EIF4G1: variants seen among roughly 807,000 people sequenced by gnomAD.
EIF4G1 encodes eukaryotic translation initiation factor 4 gamma 1, also known as EIF4-gamma.
EIF4G1 carries 4 observed loss-of-function variants against 187.8 expected under a neutral mutation model. That is an observed-to-expected ratio of 0.02 (90% CI 0.01 to 0.05). The LOEUF (loss-of-function observed/expected upper bound fraction) is 0.05. Among genes scored for constraint, EIF4G1 ranks in the 10% least tolerant of loss-of-function variants. The pLI, the probability that EIF4G1 is intolerant of heterozygous loss-of-function variation, is 1.00. For missense variants in EIF4G1, 1,647 were observed against 2,081.1 expected (o/e 0.79, Z 4.06); for synonymous variants, 844 against 781.4 (o/e 1.08, Z -1.34).
chr3:184,327,026 C>G (rs370513009), intron 23 of EIF4G1, 43 bp downstream of exon 23: 1 of 1,611,624 alleles, frequency 6.2e-7, no homozygotes, highest in Non-Finnish European at 8.5e-7. Flanking sequence ...CTGGGGGTAC[C>G]GTGATTGGGT....
Position 184,321,808 on chromosome 3 carries a change from C to T in EIF4G1, c.1224C>T (p.Pro408=). 6.2e-7 allele frequency: 1 copy of T among 1,613,988 alleles called. No individual in the cohort carries two copies. ...AQPEELLNGA[P]SPPAVDLSPV... ...CTGAGGAACTGCTCAACGGAGCCCC[C>T]TCGCCACCAGCTGTGGACTTAAGCC... Residue 408 remains proline, a synonymous_variant, in exon 10 of 33, where the codon CCC becomes CCT. Coordinates refer to ENST00000346169, the MANE Select transcript of EIF4G1 (RefSeq NM_198241.3).
intron 6 of EIF4G1, among the ~76,000 whole-genome samples, chr3:184,319,426 GGTGTGTGTGTGTGTGTGT>G (rs1168140244): frequency 8.9e-6 from 1 of 112,876 alleles, no homozygotes; most frequent in Non-Finnish European, 1.8e-5. Context: ...GCCTACGAGG[GGTGTGTGTGTGTGTGTGT>G]GTGTGTGTGT....
chr3:184,318,549 C>T (rs113776072), intron 6 of EIF4G1, among the ~76,000 whole-genome samples: 3,476 of 151,916 alleles, frequency 0.023, 125 homozygotes, highest in African/African-American at 0.077. Flanking sequence ...GTCAGGTGTT[C>T]GAGACCAGCC....
rs781731243 is a variant in EIF4G1 at position 184,323,462 on chromosome 3, A to G, written c.2143A>G (p.Ile715Val). The part of the protein sequence containing the change: ...QQGPRKEPRK[I>V]IATVLMTEDI... ...GGGACCCCGAAAAGAACCACGCAAG[A>G]TCATTGCCACAGTGTTAATGACCGA... The change falls in exon 15 of 33, where the codon ATC (isoleucine) becomes GTC (valine). Residue 715 changes from isoleucine (I) to valine (V), a missense_variant. This residue lies in a region of EIF4G1 where 140 missense variants were observed against 222.2 expected (regional missense o/e 0.63). Coordinates refer to ENST00000346169, the MANE Select transcript of EIF4G1 (RefSeq NM_198241.3). The surrounding 1 kb of genome is among the most constrained non-coding windows in gnomAD (Gnocchi z 6.9). 1.2e-6 allele frequency: 2 copies of G among 1,614,232 alleles called. No individual in the cohort carries two copies. The highest frequency in any genetic ancestry group is 1.7e-6 in the Non-Finnish European group (2 of 1,180,050).
chr3:184,331,974 A>G lies in EIF4G1; in HGVS notation c.4506A>G (p.Ala1502=), dbSNP rs1478409938. 1.2e-6 allele frequency: 2 copies of G among 1,614,190 alleles called. No individual in the cohort carries two copies. The highest frequency in any genetic ancestry group is 1.1e-5 in the South Asian group (1 of 91,086). ...AGACTCCCCTCCGAGTGGACGTTGC[A>G]GTGCTGAAAGCGCGAGCGAAGCTGC... is the stretch of plus-strand genomic sequence containing the variant. ...IFETPLRVDV[A]VLKARAKLLQ... is the part of the protein sequence containing the mutation. Residue 1502 remains alanine (A), a synonymous_variant, in exon 32 of 33, where the codon GCA becomes GCG. Coordinates refer to ENST00000346169, the MANE Select transcript of EIF4G1 (RefSeq NM_198241.3).
rs1452407824 is a variant in EIF4G1 at position 184,323,093 on chromosome 3, C to T, written c.1940C>T (p.Thr647Ile). 1 of 1,614,212 alleles carries T rather than the reference C, an allele frequency of 6.2e-7. No individual in the cohort carries two copies. Among genetic ancestry groups the T allele is most frequent in the South Asian group, 1.1e-5 (1 of 91,090 alleles). ...CTGTCCTCTTTGCAGGCCAATAAAA[C>T]ACCACTGCGGCCACTGGATCCCACT... ...SDVVLDKANKTPLRPLDPTRL... is the reference protein window; with the variant it reads ...SDVVLDKANKIPLRPLDPTRL... Residue 647 changes from threonine to isoleucine, a missense_variant, in exon 14 of 33, where the codon ACA becomes ATA. By Grantham distance (89) the Thr-to-Ile change is moderately conservative. Around this residue, in one of 11 missense-constraint regions of EIF4G1, gnomAD observed 140 missense variants for 222.2 expected, o/e 0.63. Transcript: ENST00000346169. The surrounding 1 kb of genome is among the most constrained non-coding windows in gnomAD (Gnocchi z 6.9).
At position 184,326,988 on chromosome 3, in the gene EIF4G1, G is replaced by C. The variant is rs780690101; in HGVS notation, c.3428+5G>C. On this transcript the variant is annotated splice_donor_5th_base_variant and intron_variant, in intron 23 of 32. Transcript: ENST00000346169. ...TAATAGACGTGTGGTGCAGAGGTGAGGTTTCCTGGACATCTTTGTTATTCA... is the reference window on the plus strand; with the variant it reads ...TAATAGACGTGTGGTGCAGAGGTGACGTTTCCTGGACATCTTTGTTATTCA... The C allele has an allele frequency of 9.9e-6, 16 of 1,614,104 alleles. No homozygotes were observed. The highest frequency in any genetic ancestry group is 1.6e-4 in the Middle Eastern group (1 of 6,084).
intron 28 of EIF4G1, among the ~76,000 whole-genome samples, chr3:184,330,242 G>A (rs1725784435): frequency 6.6e-6 from 1 of 152,130 alleles, no homozygotes. Flanking sequence ...AGCTGGACAT[G>A]GTGGTGCGCA....
In EIF4G1 at chr3:184,324,927, T is replaced by C. The variant is rs1268487312; in HGVS notation, c.2669T>C (p.Ile890Thr). Residue 890 changes from isoleucine to threonine, a missense_variant, in exon 18 of 33, where the codon ATA becomes ACA. By Grantham distance (89) the Ile-to-Thr change is moderately conservative. This residue lies in a region of EIF4G1 where 142 missense variants were observed against 296.6 expected (regional missense o/e 0.48). Transcript: ENST00000346169. ...LKEELEEARD[I>T]ARRRSLGNIK... Reference sequence around the variant, plus strand: ...GAAGAGCTGGAAGAGGCTCGGGACATAGCCCGGCGGCGCTCTTTAGGGAAT... The same window carrying C: ...GAAGAGCTGGAAGAGGCTCGGGACACAGCCCGGCGGCGCTCTTTAGGGAAT... The C allele has an allele frequency of 6.2e-7, 1 of 1,614,108 alleles. No homozygotes were observed. The highest frequency in any genetic ancestry group is 2.2e-5 in the East Asian group (1 of 44,900).
rs267599714 is a variant in EIF4G1, at chr3:184,325,865, C to T, written c.3136C>T (p.Leu1046Phe). The T allele has an allele frequency of 1.2e-6, 2 of 1,614,106 alleles. No individual in the cohort carries two copies. The highest frequency in any genetic ancestry group is 1.7e-6 in the Non-Finnish European group (2 of 1,180,016). The change falls in exon 21 of 33, where the codon CTT becomes TTT. Residue 1046 changes from leucine to phenylalanine, a missense_variant. Around this residue, in one of 11 missense-constraint regions of EIF4G1, gnomAD observed 142 missense variants for 296.6 expected, o/e 0.48. Transcript: ENST00000346169. This position sits in a 1 kb window ranked among gnomAD's most constrained non-coding sequence, Gnocchi z 5.2. ...TTTTGTGTCAGGCCGTGGACTTCCCCTTGTGGATGATGGTGGCTGGAACAC... is the reference window on the plus strand; with the variant it reads ...TTTTGTGTCAGGCCGTGGACTTCCCTTTGTGGATGATGGTGGCTGGAACAC... ...PGPPISRGLPLVDDGGWNTVP... is the reference protein window; with the variant it reads ...PGPPISRGLPFVDDGGWNTVP...
Position 184,335,026 on chromosome 3 carries a change from G to A in EIF4G1, c.*118G>A, listed in dbSNP as rs538272901. 8.7e-5 allele frequency: 120 copies of A among 1,379,480 alleles called. No homozygotes were observed. In the East Asian group the frequency reaches 2.1e-3, roughly 24 times the overall value. 85.5% of individuals were successfully genotyped at this position (1,379,480 alleles called of 1,614,324 possible). A position where few individuals can be genotyped will look rare whatever the true frequency, so the allele number is the denominator to read the frequency against. ...GCAGTGGGTGCCTGTAGTGTGATGT[G>A]TCTGAACTAATAAAGTGGCTGAAGA... On this transcript the variant is annotated 3_prime_UTR_variant, in exon 33 of 33. Transcript: ENST00000346169.
Position 184,334,891 on chromosome 3 carries a change from G to T in EIF4G1, c.4783G>T (p.Glu1595Ter), listed in dbSNP as rs759921895. ...CAAGTGGCTCCGTGAAGCAGAGGAGGAGTCTGACCACAACTGAGGGCTGGT... is the reference window on the plus strand; with the variant it reads ...CAAGTGGCTCCGTGAAGCAGAGGAGTAGTCTGACCACAACTGAGGGCTGGT... ...FFKWLREAEE[E>*]SDHN Residue 1595 changes from glutamate (E) to a stop codon, truncating the protein, a stop_gained, in exon 33 of 33, where the codon GAG becomes TAG. Coordinates refer to ENST00000346169, the MANE Select transcript of EIF4G1 (RefSeq NM_198241.3). LOFTEE classifies it high-confidence loss of function. The surrounding 1 kb of genome is among the most constrained non-coding windows in gnomAD (Gnocchi z 5.8). 52 of 1,614,084 alleles carry T rather than the reference G, an allele frequency of 3.2e-5. No individual in the cohort carries two copies. Among genetic ancestry groups the T allele is most frequent in the Non-Finnish European group, 4.0e-5 (47 of 1,180,030 alleles).
rs986322729 is a variant in EIF4G1 at position 184,316,135 on chromosome 3, G to C, written c.64G>C (p.Ala22Pro). Reference sequence around the variant, plus strand: ...AACTCTGGTCTCCCCTCTTCAGCCAGCGTTTCCCCCGGGGCAGACAGCGCC... The same window carrying C: ...AACTCTGGTCTCCCCTCTTCAGCCACCGTTTCCCCCGGGGCAGACAGCGCC... ...PAPSPGLPQP[A>P]FPPGQTAPVV... Residue 22 changes from alanine to proline, a missense_variant, in exon 4 of 33, where the codon GCG (alanine) becomes CCG (proline). Physicochemically the swap from Ala to Pro is conservative, Grantham distance 27. Coordinates refer to ENST00000346169, the MANE Select transcript of EIF4G1 (RefSeq NM_198241.3). 6.2e-6 allele frequency: 10 copies of C among 1,614,058 alleles called. No individual in the cohort carries two copies. Among genetic ancestry groups the C allele is most frequent in the African/African-American group, 4.0e-5 (3 of 74,916 alleles).
rs144676807 is a variant in EIF4G1, at chr3:184,334,263, G to C, written c.4619-464G>C. ...CACAAAAGTGTCAAGGCCAGAGAAGGTGTGTATGTACAGGAAATGTGTGGG... is the reference window on the plus strand; with the variant it reads ...CACAAAAGTGTCAAGGCCAGAGAAGCTGTGTATGTACAGGAAATGTGTGGG... On this transcript the variant is annotated intron_variant, in intron 32 of 32. Coordinates refer to ENST00000346169, the MANE Select transcript of EIF4G1 (RefSeq NM_198241.3). The surrounding 1 kb of genome is among the most constrained non-coding windows in gnomAD (Gnocchi z 5.8). Among the ~76,000 whole-genome samples the C allele has an allele frequency of 6.6e-6, 1 of 152,174 alleles. No homozygotes were observed. Among genetic ancestry groups the C allele is most frequent in the Non-Finnish European group, 1.5e-5 (1 of 68,038 alleles).
intron 3 of EIF4G1, 123 bp from the exon 4 acceptor site, chr3:184,316,009 C>A (rs1196908270): frequency 6.5e-7 from 1 of 1,535,596 alleles, no homozygotes; most frequent in Non-Finnish European, 8.8e-7. Flanking sequence ...GGGGCTGTCA[C>A]GGGGAGGGGG....
chr3:184,326,861 CG>C lies in EIF4G1; in HGVS notation c.3326-18del, dbSNP rs1428941121. On this transcript the variant is annotated intron_variant, in intron 22 of 32. Transcript: ENST00000346169. Reference sequence around the variant, plus strand: ...AGGAAAGGAGAAAAAGATTTTAATACGGATTTTCTGCATCCCCAGCATCAGA... The same window carrying C: ...AGGAAAGGAGAAAAAGATTTTAATACGATTTTCTGCATCCCCAGCATCAGA... The C allele has an allele frequency of 6.2e-7, 1 of 1,613,452 alleles. No homozygotes were observed. The highest frequency in any genetic ancestry group is 8.5e-7 in the Non-Finnish European group (1 of 1,179,486).
At chr3:184,320,355 T>C (rs1426193424) in intron 7 of EIF4G1, 5 of 1,359,340 alleles carry the variant, frequency 3.7e-6, no homozygotes, top group Non-Finnish European at 4.8e-6. Flanking sequence ...AGCCACTGAC[T>C]TGGGGACTGC....
Position 184,319,464 on chromosome 3 carries a change from TG to T in EIF4G1, c.425-224del, listed in dbSNP as rs1723441326. On this transcript the variant is annotated intron_variant, in intron 6 of 32. Transcript: ENST00000346169. ...GTGTGTGTGTGTGTGTGTGTGTGTG[TG>T]TTTGTGTGTGTGTGTGTGTTAGGAA... Among the ~76,000 whole-genome samples the T allele has an allele frequency of 2.4e-4, 3 of 12,434 alleles. No individual in the cohort carries two copies. In the African/African-American group the frequency reaches 3.8e-3, roughly 16 times the overall value. 8.2% of individuals were successfully genotyped at this position (12,434 alleles called of 152,430 possible). A position where few individuals can be genotyped will look rare whatever the true frequency, so the allele number is the denominator to read the frequency against.
intron 16 of EIF4G1, 31 bp from the exon 17 acceptor site, chr3:184,324,170 T>G (rs1008765580): frequency 9.9e-6 from 16 of 1,614,052 alleles, no homozygotes; most frequent in African/African-American, 6.7e-5. Context: ...CCAGGACTAG[T>G]CTTGAGTGTG....
Sources: allele counts gnomAD v4.1 joint callset (sites outside exome capture counted in the v4.1 genomes callset), GRCh38; gene constraint gnomAD v4.1.1; regional missense constraint gnomAD v4.1.1; non-coding constraint Gnocchi (gnomAD v3.1); transcripts MANE v1.5; gene names NCBI Gene and HGNC (gene_info 2026-07-23, HGNC 2026-07-21).